The following EYS variants were observed in gnomAD, a reference collection of about 807,000 sequenced individuals.
EYS encodes the protein protein eyes shut homolog.
In EYS, 250 loss-of-function variants were observed where a neutral mutation model predicts 282.1. That is an observed-to-expected ratio of 0.89 (90% CI 0.80 to 0.98). EYS has a LOEUF of 0.98. EYS is among the 50% of genes least tolerant of loss of function. The probability of loss-of-function intolerance (pLI) is 0.00; values close to 1 mark genes in which losing one functional copy is unlikely to be tolerated. For missense variants in EYS, 4,016 were observed against 3,709.0 expected (o/e 1.08, Z -2.15); for synonymous variants, 1,355 against 1,282.9 (o/e 1.06, Z -1.20).
intron 2 of EYS, among the ~76,000 whole-genome samples, chr6:65,501,542 G>A (rs893623943): frequency 6.6e-6 from 1 of 151,710 alleles, no homozygotes; most frequent in Admixed American, 6.6e-5. Flanking sequence ...AAAGGAAATG[G>A]AAAGAAACAT....
At chr6:65,264,358 A>T (rs949819441) in intron 12 of EYS, among the ~76,000 whole-genome samples, 3 of 152,146 alleles carry the variant, frequency 2.0e-5, no homozygotes, top group Non-Finnish European at 4.4e-5. Context: ...ACTACATTTC[A>T]TTGCAAATTG....
At chr6:64,048,650 T>C (rs1770706086) in intron 33 of EYS, among the ~76,000 whole-genome samples, 1 of 152,160 alleles carries the variant, frequency 6.6e-6, no homozygotes, top group African/African-American at 2.4e-5. Context: ...CATGATTACC[T>C]GGAGGTCTGA....
intron 36 of EYS, among the ~76,000 whole-genome samples, chr6:63,819,875 A>G (rs1274237274): frequency 1.3e-5 from 2 of 152,174 alleles, no homozygotes; most frequent in African/African-American, 4.8e-5. Flanking sequence ...CCATGATGTA[A>G]TCAACCTACC....
At chr6:64,584,257 T>TATAC (rs1468339179) in intron 26 of EYS, among the ~76,000 whole-genome samples, 1 of 151,950 alleles carries the variant, frequency 6.6e-6, no homozygotes, top group African/African-American at 2.4e-5. Context: ...GTTGCATATG[T>TATAC]GTGGTGTGCA....
intron 19 of EYS, among the ~76,000 whole-genome samples, chr6:64,835,189 A>G (rs116413008): frequency 0.017 from 2,552 of 151,862 alleles, 68 homozygotes; most frequent in African/African-American, 0.059. Context: ...ACAAACCAAC[A>G]AAGTTTATAA....
At chr6:65,690,736 C>A (rs1316614305) in intron 1 of EYS, among the ~76,000 whole-genome samples, 1 of 150,102 alleles carries the variant, frequency 6.7e-6, no homozygotes, top group Non-Finnish European at 1.5e-5. Context: ...CTCTAGCCCC[C>A]CAGCCCACAA....
chr6:65,356,837 C>A lies in EYS; in HGVS notation c.1300-3220G>T, dbSNP rs147842064. On this transcript the variant is annotated intron_variant, in intron 8 of 42. Coordinates refer to ENST00000503581, the MANE Select transcript of EYS (RefSeq NM_001142800.2). The stretch of plus-strand genomic sequence containing the variant: ...CATATGTAGAGGCTAGGAGTGTTGT[C>A]ATATAGGTCTATCTCTGATTCTGAC... 2.0e-3 allele frequency among the ~76,000 whole-genome samples: 308 copies of A among 152,084 alleles called. 3 individuals carry two copies. Among genetic ancestry groups the A allele is most frequent in the Admixed American group, 7.0e-3 (107 of 15,250 alleles).
At chr6:65,059,049 A>G (rs1212557658) in intron 12 of EYS, among the ~76,000 whole-genome samples, 1 of 152,154 alleles carries the variant, frequency 6.6e-6, no homozygotes, top group Non-Finnish European at 1.5e-5. Flanking sequence ...ACAAAATGAA[A>G]TATTTAGTGA....
At chr6:65,259,482 TAA>T (rs1006589370) in intron 12 of EYS, among the ~76,000 whole-genome samples, 1 of 151,822 alleles carries the variant, frequency 6.6e-6, no homozygotes, top group East Asian at 1.9e-4. Flanking sequence ...TGAATAAATT[TAA>T]AAAAAATGGT....
Position 65,334,984 on chromosome 6 carries a change from G to A in EYS, c.1762C>T (p.Pro588Ser), listed in dbSNP as rs749363743. ...EAVCKDEINR[P>S]RCSCSLSYIG... ...GCTCAAATGATACATAAATACCTGG[G>A]TCTATTAATTTCATCTTTACAAACA... The change falls in exon 11 of 43, where the codon CCC becomes TCC. Residue 588 changes from proline to serine, a missense_variant. Pro to Ser is a moderately conservative substitution (Grantham distance 74). Coordinates refer to ENST00000503581, the MANE Select transcript of EYS (RefSeq NM_001142800.2). The A allele has an allele frequency of 1.9e-6, 3 of 1,606,248 alleles. No homozygotes were observed. The South Asian group carries it at 3.3e-5, about 18-fold the overall frequency.
chr6:65,069,269 A>C (rs1356527336), intron 12 of EYS, among the ~76,000 whole-genome samples: 3 of 151,964 alleles, frequency 2.0e-5, no homozygotes, highest in African/African-American at 7.2e-5. Context: ...AAAACAGAAA[A>C]CTTTCATCTT....
intron 8 of EYS, among the ~76,000 whole-genome samples, chr6:65,369,325 TA>T (rs1765045599): frequency 7.0e-6 from 1 of 143,298 alleles, no homozygotes; most frequent in African/African-American, 2.5e-5. Flanking sequence ...ATTATATATA[TA>T]TATTTATATA....
At chr6:64,578,622 G>T (rs1434171176) in intron 26 of EYS, among the ~76,000 whole-genome samples, 3 of 111,920 alleles carry the variant, frequency 2.7e-5, no homozygotes, top group Non-Finnish European at 4.0e-5. Flanking sequence ...TGTGTGTGTG[G>T]TGTGTGTGTG....
intron 28 of EYS, among the ~76,000 whole-genome samples, chr6:64,390,692 C>A (rs6454824): frequency 0.69 from 102,532 of 148,890 alleles, 35,271 homozygotes; most frequent in Non-Finnish European, 0.71. Flanking sequence ...AACACAAAAA[C>A]TGGAAACTCT....
chr6:65,383,510 A>T (rs914331104), intron 8 of EYS, among the ~76,000 whole-genome samples: 1 of 151,804 alleles, frequency 6.6e-6, no homozygotes, highest in Non-Finnish European at 1.5e-5. Context: ...AATGCTTATC[A>T]AAACCATACC....
intron 12 of EYS, among the ~76,000 whole-genome samples, chr6:65,186,574 G>A (rs1402130244): frequency 6.6e-6 from 1 of 151,710 alleles, no homozygotes; most frequent in African/African-American, 2.4e-5. Flanking sequence ...CAACAAAGAT[G>A]AAATGATGGA....
intron 26 of EYS, among the ~76,000 whole-genome samples, chr6:64,501,416 TA>T (rs1220049560): frequency 6.6e-6 from 1 of 152,098 alleles, no homozygotes; most frequent in African/African-American, 2.4e-5. Context: ...TGCAGTTCCA[TA>T]TTTTATACTA....
At chr6:64,254,418 G>A (rs981964850) in intron 30 of EYS, among the ~76,000 whole-genome samples, 1 of 152,068 alleles carries the variant, frequency 6.6e-6, no homozygotes, top group African/African-American at 2.4e-5. Flanking sequence ...CAGGAAAGCT[G>A]ACCTATCTTA....
At chr6:64,917,260 A>AC (rs1410285338) in intron 15 of EYS, among the ~76,000 whole-genome samples, 3 of 151,916 alleles carry the variant, frequency 2.0e-5, no homozygotes, top group Admixed American at 6.6e-5. Context: ...AAAAAAAAAA[A>AC]AACAAAATTC....
Sources: gnomAD v4.1 joint callset for allele counts (sites outside exome capture counted in the v4.1 genomes callset) on GRCh38, gnomAD v4.1.1 for gene constraint, MANE v1.5 for transcripts, NCBI Gene and HGNC (gene_info 2026-07-23, HGNC 2026-07-21) for gene names.